TMEM244: variants seen among roughly 807,000 people sequenced by gnomAD.
The protein encoded by TMEM244 is transmembrane protein 244.
TMEM244 carries 13 observed loss-of-function variants against 15.8 expected under a neutral mutation model. That is an observed-to-expected ratio of 0.82 (90% CI 0.53 to 1.30). The LOEUF (loss-of-function observed/expected upper bound fraction) is 1.30, where lower values mean the gene tolerates loss of function less well. Among genes scored for constraint, TMEM244 ranks in the 50% most tolerant of loss-of-function variants. TMEM244 has a pLI of 0.00. For missense variants in TMEM244, 161 were observed against 144.9 expected (o/e 1.11, Z -0.57); for synonymous variants, 45 against 48.7 (o/e 0.92, Z 0.32).
At chr6:129,837,183 G>T (rs182924596) in intron 3 of TMEM244, among the ~76,000 whole-genome samples, 36 of 152,294 alleles carry the variant, frequency 2.4e-4, no homozygotes, top group African/African-American at 7.9e-4. Context: ...AGAAAGGTTG[G>T]GTTACCCACA....
chr6:129,846,121 TTAA>T (rs1464652311), intron 1 of TMEM244, among the ~76,000 whole-genome samples: 1 of 152,200 alleles, frequency 6.6e-6, no homozygotes, highest in East Asian at 1.9e-4. Context: ...AATTTGAGCA[TTAA>T]TAGCCTCTAG....
intron 3 of TMEM244, among the ~76,000 whole-genome samples, chr6:129,842,048 C>T (rs1263602314): frequency 1.3e-5 from 2 of 152,242 alleles, no homozygotes; most frequent in Non-Finnish European, 2.9e-5. Flanking sequence ...GAGGAAAGGA[C>T]GACTGTAAAC....
At chr6:129,836,411 G>T (rs111537767) in intron 3 of TMEM244, among the ~76,000 whole-genome samples, 56,662 of 151,994 alleles carry the variant, frequency 0.37, 11,067 homozygotes, top group South Asian at 0.5. Flanking sequence ...AACCCCATCT[G>T]TAGGTCACCA....
At chr6:129,855,221 C>T (rs190789481) in intron 1 of TMEM244, among the ~76,000 whole-genome samples, 43 of 152,198 alleles carry the variant, frequency 2.8e-4, no homozygotes, top group Non-Finnish European at 2.2e-4. Flanking sequence ...AATAAAGAAA[C>T]ACATACCCAA....
chr6:129,853,890 T>A (rs1156511526), intron 1 of TMEM244, among the ~76,000 whole-genome samples: 1 of 152,078 alleles, frequency 6.6e-6, no homozygotes, highest in Non-Finnish European at 1.5e-5. Context: ...TTAACTAACT[T>A]GCCAATTTCT....
chr6:129,850,257 C>G (rs1223902764), intron 1 of TMEM244, among the ~76,000 whole-genome samples: 1 of 152,078 alleles, frequency 6.6e-6, no homozygotes, highest in East Asian at 1.9e-4. Context: ...GTTTAAAGAG[C>G]TGAAGTCAGA....
intron 1 of TMEM244, among the ~76,000 whole-genome samples, chr6:129,847,895 CT>C: frequency 6.6e-6 from 1 of 151,958 alleles, no homozygotes; most frequent in Admixed American, 6.6e-5. Context: ...CTTCCTCAGC[CT>C]CCCTGGTAGC....
intron 1 of TMEM244, among the ~76,000 whole-genome samples, chr6:129,847,675 A>G (rs1776578651): frequency 6.6e-6 from 1 of 150,636 alleles, no homozygotes; most frequent in Non-Finnish European, 1.5e-5. Flanking sequence ...GCCTATGTCC[A>G]CCCCTAGCCC....
intron 1 of TMEM244, among the ~76,000 whole-genome samples, chr6:129,852,811 C>T (rs1410923729): frequency 1.3e-5 from 2 of 152,154 alleles, no homozygotes; most frequent in Non-Finnish European, 2.9e-5. Flanking sequence ...CTTCTCCTGA[C>T]TTCTCCAGCT....
chr6:129,859,856 T>C (rs1221692027), intron 1 of TMEM244, among the ~76,000 whole-genome samples: 1 of 152,218 alleles, frequency 6.6e-6, no homozygotes, highest in Non-Finnish European at 1.5e-5. Flanking sequence ...TTGCTATTAC[T>C]ATTAATTTAT....
intron 1 of TMEM244, among the ~76,000 whole-genome samples, chr6:129,847,710 T>C (rs1486327112): frequency 6.6e-6 from 1 of 151,868 alleles, no homozygotes; most frequent in Non-Finnish European, 1.5e-5. Flanking sequence ...CATCTCTCTC[T>C]GCCCTGATTC....
chr6:129,847,593 C>T (rs1776577552), intron 1 of TMEM244, among the ~76,000 whole-genome samples: 1 of 151,994 alleles, frequency 6.6e-6, no homozygotes, highest in Non-Finnish European at 1.5e-5. Context: ...AACAGGACTC[C>T]AAGGTTCTGG....
chr6:129,858,305 T>G (rs895814865), intron 1 of TMEM244, among the ~76,000 whole-genome samples: 1 of 152,210 alleles, frequency 6.6e-6, no homozygotes, highest in African/African-American at 2.4e-5. Flanking sequence ...ATATGATCTT[T>G]GAAGACTTAG....
intron 1 of TMEM244, among the ~76,000 whole-genome samples, chr6:129,847,070 G>A (rs929753157): frequency 2.0e-5 from 3 of 152,048 alleles, no homozygotes; most frequent in African/African-American, 7.2e-5. Flanking sequence ...ACAGGAAAAG[G>A]ATTGATATCT....
At chr6:129,832,340 T>C (rs1046173937) in intron 4 of TMEM244, among the ~76,000 whole-genome samples, 5 of 152,082 alleles carry the variant, frequency 3.3e-5, no homozygotes, top group Non-Finnish European at 7.4e-5. Flanking sequence ...TCAGGTGATC[T>C]GCCCACCTCA....
At chr6:129,856,182 C>A (rs923938644) in intron 1 of TMEM244, among the ~76,000 whole-genome samples, 1 of 151,978 alleles carries the variant, frequency 6.6e-6, no homozygotes, top group African/African-American at 2.4e-5. Flanking sequence ...CCAAGTTTGA[C>A]CAATTTGAGC....
intron 1 of TMEM244, among the ~76,000 whole-genome samples, chr6:129,857,365 A>T (rs9492405): frequency 0.19 from 27,935 of 150,896 alleles, 3,154 homozygotes; most frequent in African/African-American, 0.31. Context: ...TATATAAATT[A>T]TTTTTTTTGA....
chr6:129,847,422 CAGA>C (rs1233435922), intron 1 of TMEM244, among the ~76,000 whole-genome samples: 6 of 152,168 alleles, frequency 3.9e-5, no homozygotes, highest in African/African-American at 1.4e-4. Flanking sequence ...TGCCTAGGTA[CAGA>C]AGGAGTCCAC....
chr6:129,860,388 T>C (rs1436884493), intron 1 of TMEM244, among the ~76,000 whole-genome samples: 1 of 152,154 alleles, frequency 6.6e-6, no homozygotes, highest in African/African-American at 2.4e-5. Flanking sequence ...TTCTTAGCTG[T>C]TGTCATGCTC....
Sources: allele counts gnomAD v4.1 joint callset (sites outside exome capture counted in the v4.1 genomes callset), GRCh38; gene constraint gnomAD v4.1.1; transcripts MANE v1.5; gene names NCBI Gene and HGNC (gene_info 2026-07-23, HGNC 2026-07-21).